Variants in MNAT1 observed in about 807,000 individuals in gnomAD.
MNAT1 encodes CDK-activating kinase assembly factor MAT1.
In MNAT1, 43 loss-of-function variants were observed where a neutral mutation model predicts 42.0. That is an observed-to-expected ratio of 1.02 (90% CI 0.80 to 1.32). The LOEUF is 1.32. Ranked by LOEUF, MNAT1 falls within the 40% of genes most tolerant of loss-of-function variation. MNAT1 has a pLI of 0.00. For missense variants in MNAT1, 306 were observed against 350.4 expected, an observed-to-expected ratio of 0.87 and a Z score of 1.01; for synonymous variants, 118 against 120.0, an observed-to-expected ratio of 0.98 and a Z score of 0.11.
At chr14:60,776,801 A>G (rs1037124686) in intron 1 of MNAT1, among the ~76,000 whole-genome samples, 4 of 152,094 alleles carry the variant, frequency 2.6e-5, no homozygotes, top group African/African-American at 9.7e-5. Flanking sequence ...TTAAATTTAA[A>G]TGGACTTGTA....
intron 1 of MNAT1, among the ~76,000 whole-genome samples, chr14:60,749,784 C>A (rs1377377928): frequency 2.0e-5 from 3 of 152,070 alleles, no homozygotes; most frequent in African/African-American, 2.4e-5. Context: ...GTTCCTGAGA[C>A]AGCAAATAGA....
At chr14:60,792,553 G>T (rs1002123010) in intron 1 of MNAT1, among the ~76,000 whole-genome samples, 2 of 152,104 alleles carry the variant, frequency 1.3e-5, no homozygotes, top group African/African-American at 2.4e-5. Context: ...AGGAGCTAAC[G>T]AAGAATGGAA....
At chr14:60,877,453 A>G (rs1450676272) in intron 6 of MNAT1, among the ~76,000 whole-genome samples, 1 of 152,038 alleles carries the variant, frequency 6.6e-6, no homozygotes, top group Non-Finnish European at 1.5e-5. Context: ...TATGACTTTT[A>G]AGTCATGACT....
intron 7 of MNAT1, among the ~76,000 whole-genome samples, chr14:60,943,834 C>T (rs1454751025): frequency 8.5e-5 from 13 of 152,094 alleles, no homozygotes. Context: ...AGGTTAACTC[C>T]ATATGGAGCC....
intron 7 of MNAT1, among the ~76,000 whole-genome samples, chr14:60,954,438 T>G (rs2036442505): frequency 6.6e-6 from 1 of 152,190 alleles, no homozygotes; most frequent in South Asian, 2.1e-4. Context: ...GATCTTCACC[T>G]CCTTGGTTAA....
At chr14:60,745,779 C>CT (rs1896595132) in intron 1 of MNAT1, among the ~76,000 whole-genome samples, 1 of 152,096 alleles carries the variant, frequency 6.6e-6, no homozygotes, top group African/African-American at 2.4e-5. Flanking sequence ...TTAACATTTT[C>CT]TTTTTTGTTG....
At chr14:60,854,446 C>T (rs1566795789) in intron 6 of MNAT1, among the ~76,000 whole-genome samples, 2 of 152,178 alleles carry the variant, frequency 1.3e-5, no homozygotes, top group Non-Finnish European at 1.5e-5. Context: ...ATTTATCTAC[C>T]TTTGATCTTT....
chr14:60,914,417 C>A (rs1021782761), intron 7 of MNAT1, among the ~76,000 whole-genome samples: 2 of 152,046 alleles, frequency 1.3e-5, no homozygotes, highest in African/African-American at 4.8e-5. Flanking sequence ...CTGCATTGCT[C>A]ACGCTGGGAG....
intron 7 of MNAT1, among the ~76,000 whole-genome samples, chr14:60,899,478 A>G (rs1293039598): frequency 1.3e-5 from 2 of 152,164 alleles, no homozygotes; most frequent in African/African-American, 4.8e-5. Flanking sequence ...TCTAACTATT[A>G]TTATATCATC....
intron 7 of MNAT1, among the ~76,000 whole-genome samples, chr14:60,920,445 A>C (rs1364856221): frequency 6.6e-6 from 1 of 151,844 alleles, no homozygotes; most frequent in Non-Finnish European, 1.5e-5. Flanking sequence ...TTTTTGGGAC[A>C]GTCTCGCTCC....
chr14:60,950,752 A>G (rs918716569), intron 7 of MNAT1, among the ~76,000 whole-genome samples: 4 of 152,070 alleles, frequency 2.6e-5, no homozygotes, highest in South Asian at 2.1e-4. Context: ...TCATCTTTCG[A>G]CGAAGCTTCA....
At chr14:60,859,667 T>G (rs1438442354) in intron 6 of MNAT1, among the ~76,000 whole-genome samples, 2 of 152,230 alleles carry the variant, frequency 1.3e-5, no homozygotes, top group East Asian at 3.8e-4. Flanking sequence ...TCACAATTTT[T>G]TTTAAGCAAT....
chr14:60,881,530 G>T (rs1374401339), intron 7 of MNAT1, among the ~76,000 whole-genome samples: 3 of 151,898 alleles, frequency 2.0e-5, no homozygotes, highest in African/African-American at 7.3e-5. Context: ...TTTTGTCAGG[G>T]ATTCTTGCAT....
intron 1 of MNAT1, among the ~76,000 whole-genome samples, chr14:60,770,376 C>G (rs916454793): frequency 6.6e-6 from 1 of 152,262 alleles, no homozygotes; most frequent in East Asian, 1.9e-4. Context: ...TGTTAATGCT[C>G]CAATGAACAT....
chr14:60,856,484 A>T (rs889296350), intron 6 of MNAT1, among the ~76,000 whole-genome samples: 1 of 152,228 alleles, frequency 6.6e-6, no homozygotes, highest in African/African-American at 2.4e-5. Context: ...TCTATAACAT[A>T]AAAGTTGCTA....
chr14:60,844,678 CTTGCCCTATTGCAGTGCCTTA>C (rs1488581435), intron 6 of MNAT1, among the ~76,000 whole-genome samples: 1 of 151,386 alleles, frequency 6.6e-6, no homozygotes, highest in Non-Finnish European at 1.5e-5. Context: ...ATTTCTGTTA[CTTGCCCTATTGCAGTGCCTTA>C]TTCCCCACCT....
At chr14:60,790,327 T>C (rs1045934651) in intron 1 of MNAT1, among the ~76,000 whole-genome samples, 2 of 152,158 alleles carry the variant, frequency 1.3e-5, no homozygotes, top group African/African-American at 4.8e-5. Flanking sequence ...TTGAAAGTCA[T>C]TCCTCTGAGG....
chr14:60,785,837 A>G (rs1319514220), intron 1 of MNAT1, among the ~76,000 whole-genome samples: 2 of 152,292 alleles, frequency 1.3e-5, no homozygotes, highest in East Asian at 3.9e-4. Flanking sequence ...TAGCTTAAAT[A>G]TTTGAGGACC....
intron 2 of MNAT1, among the ~76,000 whole-genome samples, chr14:60,796,791 TA>T (rs2032033013): frequency 6.6e-6 from 1 of 152,188 alleles, no homozygotes; most frequent in Non-Finnish European, 1.5e-5. Flanking sequence ...AAATGTTATT[TA>T]TTATAGATTG....
Sources: allele counts gnomAD v4.1 joint callset (sites outside exome capture counted in the v4.1 genomes callset), GRCh38; gene constraint gnomAD v4.1.1; transcripts MANE v1.5; gene names NCBI Gene and HGNC (gene_info 2026-07-23, HGNC 2026-07-21).